DOCK9: variants seen among roughly 807,000 people sequenced by gnomAD.
DOCK9 encodes the protein dedicator of cytokinesis protein 9.
In DOCK9, 89 loss-of-function variants were observed where a neutral mutation model predicts 263.3. That is an observed-to-expected ratio of 0.34 (90% CI 0.28 to 0.40). DOCK9 has a LOEUF of 0.40. Among genes scored for constraint, DOCK9 ranks in the 10% least tolerant of loss-of-function variants. The pLI, the probability that DOCK9 is intolerant of heterozygous loss-of-function variation, is 1.00. For synonymous variants in DOCK9, 976 were observed against 973.1 expected (o/e 1.00, Z -0.06); for missense variants, 2,140 against 2,603.4 (o/e 0.82, Z 3.87).
At chr13:98,860,266 A>G in intron 33 of DOCK9, 139 bp downstream of exon 33, 1 of 1,470,456 alleles carries the variant, frequency 6.8e-7, no homozygotes, top group Admixed American at 2.4e-5. Context: ...TGACTATCAC[A>G]AGCAGGAAAA....
intron 21 of DOCK9, among the ~76,000 whole-genome samples, chr13:98,884,612 A>C (rs1346514920): frequency 6.6e-6 from 1 of 152,214 alleles, no homozygotes; most frequent in African/African-American, 2.4e-5. Flanking sequence ...GGCGTACTTG[A>C]CTTACTTTAA....
rs565359083 is a variant in DOCK9, at chr13:98,884,913, T to C, written c.2382+58A>G. Reference sequence around the variant, plus strand: ...TTTTTGTGTGTTATTGTTGTTTTAGTTGTTCTTTAATGTTTTCTGAAGAAA... The same window carrying C: ...TTTTTGTGTGTTATTGTTGTTTTAGCTGTTCTTTAATGTTTTCTGAAGAAA... On this transcript the variant is annotated intron_variant, in intron 21 of 52. Coordinates refer to ENST00000682017, the MANE Select transcript of DOCK9 (RefSeq NM_001366683.2). 3.2e-6 allele frequency: 5 copies of C among 1,546,436 alleles called. No individual in the cohort carries two copies. In the African/African-American group the frequency reaches 6.8e-5, roughly 21 times the overall value.
At chr13:98,940,113 G>T (rs2055570627) in intron 2 of DOCK9, among the ~76,000 whole-genome samples, 1 of 152,218 alleles carries the variant, frequency 6.6e-6, no homozygotes, top group Non-Finnish European at 1.5e-5. Flanking sequence ...AGAGGATTCA[G>T]TACCAAGCTA....
chr13:99,059,278 T>C (rs1316112582), intron 1 of DOCK9, among the ~76,000 whole-genome samples: 2 of 152,182 alleles, frequency 1.3e-5, no homozygotes, highest in Admixed American at 6.5e-5. Flanking sequence ...AACACCTCAA[T>C]GGGCCTGTTC....
At chr13:99,040,327 C>T (rs988379920) in intron 1 of DOCK9, among the ~76,000 whole-genome samples, 1 of 152,092 alleles carries the variant, frequency 6.6e-6, no homozygotes, top group Non-Finnish European at 1.5e-5. Flanking sequence ...CATTTTGTTA[C>T]AGCAGCCCAA....
chr13:98,922,482 C>T (rs368969879), intron 5 of DOCK9, among the ~76,000 whole-genome samples: 1 of 152,022 alleles, frequency 6.6e-6, no homozygotes, highest in Admixed American at 6.5e-5. Flanking sequence ...CCTGGTTTCA[C>T]GAAAAAATGT....
intron 1 of DOCK9, among the ~76,000 whole-genome samples, chr13:99,041,351 G>A (rs1398182695): frequency 3.9e-5 from 6 of 152,070 alleles, no homozygotes; most frequent in African/African-American, 9.7e-5. Context: ...ATATGTGATG[G>A]CATGTGCCTG....
chr13:98,902,607 A>G, intron 11 of DOCK9, 116 bp from the exon 12 acceptor site: 1 of 914,966 alleles, frequency 1.1e-6, no homozygotes, highest in South Asian at 1.7e-5. Context: ...AATTACTACT[A>G]AACAGTCTCA....
At chr13:98,922,292 C>CA (rs2052167733) in intron 5 of DOCK9, 146 bp from the exon 6 acceptor site, 3 of 555,244 alleles carry the variant, frequency 5.4e-6, no homozygotes, top group Non-Finnish European at 9.8e-6. Context: ...CCAATGCCTA[C>CA]AAGTCACATA....
intron 45 of DOCK9, 96 bp downstream of exon 45, chr13:98,824,302 G>T: frequency 9.8e-7 from 1 of 1,025,442 alleles, no homozygotes; most frequent in Non-Finnish European, 1.5e-6. Context: ...AGCAGCTACA[G>T]GGAGGAAAAA....
intron 1 of DOCK9, among the ~76,000 whole-genome samples, chr13:98,958,586 C>T (rs1299325358): frequency 1.3e-5 from 2 of 152,212 alleles, no homozygotes; most frequent in Admixed American, 6.5e-5. Context: ...AATAAGTAAA[C>T]ACATGGGCAT....
chr13:98,807,228 G>T (rs554576128), intron 48 of DOCK9, among the ~76,000 whole-genome samples: 1 of 152,188 alleles, frequency 6.6e-6, no homozygotes, highest in Non-Finnish European at 1.5e-5. Flanking sequence ...CACGCTGCTG[G>T]TGAGTTCATT....
intron 50 of DOCK9, 133 bp from the exon 51 acceptor site, chr13:98,797,622 AGCCC>A: frequency 1.4e-6 from 1 of 723,130 alleles, no homozygotes; most frequent in Admixed American, 2.7e-5. Context: ...CAGGAACTTA[AGCCC>A]AAAAAGAAAC....
At chr13:98,944,984 T>C (rs2056517132) in intron 2 of DOCK9, among the ~76,000 whole-genome samples, 1 of 152,232 alleles carries the variant, frequency 6.6e-6, no homozygotes, top group African/African-American at 2.4e-5. Context: ...CCAATGCTGA[T>C]CTTCTTGAAG....
chr13:98,800,716 T>G (rs2090018444), intron 49 of DOCK9, among the ~76,000 whole-genome samples: 1 of 152,204 alleles, frequency 6.6e-6, no homozygotes, highest in South Asian at 2.1e-4. Flanking sequence ...CCTTTTAATG[T>G]GACAAGCGTG....
intron 1 of DOCK9, among the ~76,000 whole-genome samples, chr13:98,996,358 A>C (rs1881031052): frequency 6.6e-6 from 1 of 152,352 alleles, no homozygotes; most frequent in Non-Finnish European, 1.5e-5. Context: ...GATCCCGAGT[A>C]GTACTAACAG....
In DOCK9 at chr13:98,860,415, G is replaced by A; in HGVS notation, c.3687C>T (p.Ile1229=). ...AGCATGGAGCGTTACCAATGCCGGAGATGGCGCCCAGCAGGTCCTTGTGCA... is the reference window on the plus strand; with the variant it reads ...AGCATGGAGCGTTACCAATGCCGGAAATGGCGCCCAGCAGGTCCTTGTGCA... ...NSLHKDLLGA[I]SGIASPYTTS... Residue 1229 remains isoleucine (I), a synonymous_variant, in exon 33 of 53, where the codon ATC becomes ATT. Coordinates refer to ENST00000682017, the MANE Select transcript of DOCK9 (RefSeq NM_001366683.2). 3 of 1,587,316 alleles carry A rather than the reference G, an allele frequency of 1.9e-6. No individual in the cohort carries two copies. Among genetic ancestry groups the A allele is most frequent in the Non-Finnish European group, 2.6e-6 (3 of 1,165,568 alleles).
chr13:98,800,183 G>A, intron 50 of DOCK9, 105 bp downstream of exon 50: 1 of 1,237,336 alleles, frequency 8.1e-7, no homozygotes, highest in Non-Finnish European at 1.1e-6. Context: ...GGATCACTTG[G>A]TAAACCGAGG....
At chr13:98,957,128 C>T (rs2058147286) in intron 1 of DOCK9, among the ~76,000 whole-genome samples, 1 of 152,156 alleles carries the variant, frequency 6.6e-6, no homozygotes, top group Admixed American at 6.5e-5. Context: ...TCTGCAGCCA[C>T]GCACACAGGA....
Sources: gnomAD v4.1 joint callset for allele counts (sites outside exome capture counted in the v4.1 genomes callset) on GRCh38, gnomAD v4.1.1 for gene constraint, MANE v1.5 for transcripts, NCBI Gene and HGNC (gene_info 2026-07-23, HGNC 2026-07-21) for gene names.